Variants in FOXN2 observed in about 807,000 individuals in gnomAD.
FOXN2 encodes forkhead box N2.
Under a neutral mutation model 41.2 loss-of-function variants are expected in FOXN2, and 19 were observed. The ratio of observed to expected loss-of-function variants is 0.46; its 90% confidence interval spans 0.32 to 0.68. FOXN2 has a LOEUF of 0.68. Among genes scored for constraint, FOXN2 ranks in the 30% least tolerant of loss-of-function variants. The probability of loss-of-function intolerance (pLI) is 0.03; values close to 1 mark genes in which losing one functional copy is unlikely to be tolerated. For missense variants in FOXN2, 587 were observed against 509.4 expected (o/e 1.15, Z -1.47); for synonymous variants, 195 against 176.8 (o/e 1.10, Z -0.82).
chr2:48,316,003 C>G (rs1157106678), intron 1 of FOXN2, among the ~76,000 whole-genome samples: 1 of 152,124 alleles, frequency 6.6e-6, no homozygotes, highest in East Asian at 1.9e-4. Flanking sequence ...TTTCTCCTAT[C>G]TTTTTTCTGA....
intron 2 of FOXN2, among the ~76,000 whole-genome samples, chr2:48,330,271 A>T (rs1410115302): frequency 6.6e-6 from 1 of 152,112 alleles, no homozygotes; most frequent in Non-Finnish European, 1.5e-5. Flanking sequence ...ATTCATTCCT[A>T]AGAATATTGG....
chr2:48,364,142 A>G (rs1323513568), intron 5 of FOXN2, among the ~76,000 whole-genome samples: 1 of 152,146 alleles, frequency 6.6e-6, no homozygotes, highest in Non-Finnish European at 1.5e-5. Flanking sequence ...AGTATTATGT[A>G]TTTATTATAG....
At chr2:48,356,707 A>G (rs1671816536) in intron 3 of FOXN2, among the ~76,000 whole-genome samples, 2 of 152,244 alleles carry the variant, frequency 1.3e-5, no homozygotes, top group South Asian at 4.1e-4. Context: ...ATTAAAATAT[A>G]CAGGACAAGT....
chr2:48,314,300 C>T (rs1003029343), upstream of FOXN2, among the ~76,000 whole-genome samples: 2 of 152,248 alleles, frequency 1.3e-5, no homozygotes, highest in African/African-American at 2.4e-5. Flanking sequence ...GCCTCCGCCG[C>T]ACTCCTATAG....
chr2:48,317,595 C>CTTTT (rs574980247), intron 1 of FOXN2, among the ~76,000 whole-genome samples: 1,335 of 34,774 alleles, frequency 0.038, 449 homozygotes, highest in South Asian at 0.073. Flanking sequence ...TATAGTATTG[C>CTTTT]TTTTTTTTTT....
intron 4 of FOXN2, among the ~76,000 whole-genome samples, chr2:48,361,013 CA>C (rs10719302): frequency 0.47 from 59,385 of 126,664 alleles, 12,040 homozygotes; most frequent in East Asian, 0.5. Flanking sequence ...GACCCCATCT[CA>C]AAAAAAAAAA....
At chr2:48,320,813 G>T (rs1256957347) in intron 1 of FOXN2, among the ~76,000 whole-genome samples, 1 of 152,196 alleles carries the variant, frequency 6.6e-6, no homozygotes, top group Non-Finnish European at 1.5e-5. Context: ...ATACAAGGTA[G>T]GGAGAGAAAC....
At position 48,375,136 on chromosome 2, in the gene FOXN2, A is replaced by G. The variant is rs1198314205; in HGVS notation, c.989A>G (p.Tyr330Cys). 2 of 1,614,132 alleles carry G rather than the reference A, an allele frequency of 1.2e-6. No individual in the cohort carries two copies. The highest frequency in any genetic ancestry group is 8.5e-7 in the Non-Finnish European group (1 of 1,179,998). Residue 330 changes from tyrosine to cysteine, a missense_variant, in exon 7 of 7, where the codon TAT (tyrosine) becomes TGT (cysteine). Transcript: ENST00000340553. Reference protein sequence around the residue: ...VSSLSSVDEVYEFIPKNSHVG... With the variant: ...VSSLSSVDEVCEFIPKNSHVG... ...TCCCTGTCTTCTGTGGATGAGGTATATGAATTTATCCCAAAGAATAGTCAC... is the reference window on the plus strand; with the variant it reads ...TCCCTGTCTTCTGTGGATGAGGTATGTGAATTTATCCCAAAGAATAGTCAC...
intron 1 of FOXN2, among the ~76,000 whole-genome samples, chr2:48,327,903 A>G (rs771478498): frequency 6.6e-6 from 1 of 152,218 alleles, no homozygotes; most frequent in South Asian, 2.1e-4. Flanking sequence ...TATAAAATCA[A>G]TATATTAAAC....
chr2:48,317,595 C>CTTTTTTTTTTTTT lies in FOXN2; in HGVS notation c.-157+2799_-157+2811dup, dbSNP rs574980247. On this transcript the variant is annotated intron_variant, in intron 1 of 6. Transcript: ENST00000340553. ...ACAATGCCTATAGCCTATAGTATTG[C>CTTTTTTTTTTTTT]TTTTTTTTTTTTTTTTTTTTTTTTT... 1.7e-3 allele frequency among the ~76,000 whole-genome samples: 58 copies of CTTTTTTTTTTTTT among 34,744 alleles called. 19 individuals carry two copies. The highest frequency in any genetic ancestry group is 2.7e-3 in the Non-Finnish European group (47 of 17,474). 22.8% of individuals were successfully genotyped at this position (34,744 alleles called of 152,430 possible).
At chr2:48,339,550 A>T (rs920054943) in intron 2 of FOXN2, among the ~76,000 whole-genome samples, 2 of 152,172 alleles carry the variant, frequency 1.3e-5, no homozygotes, top group African/African-American at 4.8e-5. Context: ...ATTATAAGTT[A>T]CCCAGTCTCG....
At chr2:48,331,998 T>C (rs1670048560) in intron 2 of FOXN2, among the ~76,000 whole-genome samples, 1 of 152,164 alleles carries the variant, frequency 6.6e-6, no homozygotes, top group Non-Finnish European at 1.5e-5. Context: ...GTTAAAAGTA[T>C]TATCTCAAAA....
intron 2 of FOXN2, among the ~76,000 whole-genome samples, chr2:48,334,143 A>AG (rs1670190493): frequency 1.3e-5 from 2 of 152,292 alleles, no homozygotes; most frequent in East Asian, 3.9e-4. Flanking sequence ...AGAAAAAAAA[A>AG]TCTCGTTTTG....
chr2:48,324,333 T>C (rs1374486518), intron 1 of FOXN2, among the ~76,000 whole-genome samples: 1 of 152,108 alleles, frequency 6.6e-6, no homozygotes, highest in Non-Finnish European at 1.5e-5. Flanking sequence ...TAGCTGGGAT[T>C]ACAGGCACCT....
rs564351283 is a variant in FOXN2 at position 48,360,533 on chromosome 2, A to G, written c.638+1386A>G. On this transcript the variant is annotated intron_variant, in intron 4 of 6. Coordinates refer to ENST00000340553, the MANE Select transcript of FOXN2 (RefSeq NM_002158.4). The stretch of plus-strand genomic sequence containing the variant: ...GGAAGGCTAAAGTTGAAATATCAGT[A>G]ATATATTCACTCACTGAGATTTTAA... Among the ~76,000 whole-genome samples, 7 of 152,306 alleles carry G rather than the reference A, an allele frequency of 4.6e-5. No individual in the cohort carries two copies. The South Asian group carries it at 1.4e-3, about 32-fold the overall frequency.
rs1671106439 is a variant in FOXN2 at position 48,346,454 on chromosome 2, A to G, written c.240A>G (p.Pro80=). ...TCAGCCTCGGAAGTGAGGGTCTTCC[A>G]ATTGTTAGTCCATTGTATGACATAG... The part of the protein sequence containing the change: ...TNFSLGSEGL[P]IVSPLYDIEG... Residue 80 remains proline (P), a synonymous_variant, in exon 3 of 7, where the codon CCA becomes CCG. Transcript: ENST00000340553. 3 of 1,614,198 alleles carry G rather than the reference A, an allele frequency of 1.9e-6. No individual in the cohort carries two copies. Among genetic ancestry groups the G allele is most frequent in the South Asian group, 1.1e-5 (1 of 91,084 alleles).
At chr2:48,368,699 C>T (rs1250794862) in intron 5 of FOXN2, among the ~76,000 whole-genome samples, 4 of 152,198 alleles carry the variant, frequency 2.6e-5, no homozygotes, top group South Asian at 2.1e-4. Flanking sequence ...TGATAAATAA[C>T]GAACGAATCA....
intron 5 of FOXN2, among the ~76,000 whole-genome samples, chr2:48,363,888 C>T (rs1480380002): frequency 6.6e-6 from 1 of 152,144 alleles, no homozygotes; most frequent in Non-Finnish European, 1.5e-5. Flanking sequence ...TTTCTCAGAA[C>T]ATATTCCCGT....
intron 3 of FOXN2, among the ~76,000 whole-genome samples, chr2:48,353,763 A>C (rs908043907): frequency 1.3e-5 from 2 of 151,894 alleles, no homozygotes; most frequent in South Asian, 4.2e-4. Context: ...TCATCTCCCT[A>C]TCCTTCCTTC....
Sources: gnomAD v4.1 joint callset for allele counts (sites outside exome capture counted in the v4.1 genomes callset) on GRCh38, gnomAD v4.1.1 for gene constraint, MANE v1.5 for transcripts, NCBI Gene and HGNC (gene_info 2026-07-23, HGNC 2026-07-21) for gene names.